Variants in CSMD1 observed in about 807,000 individuals in gnomAD.
The protein encoded by CSMD1 is CUB and sushi domain-containing protein 1.
CSMD1 carries 213 observed loss-of-function variants against 417.5 expected under a neutral mutation model. That is an observed-to-expected ratio of 0.51 (90% CI 0.46 to 0.57). The LOEUF (loss-of-function observed/expected upper bound fraction) is 0.57. Ranked by LOEUF, CSMD1 falls within the 20% of genes least tolerant of loss-of-function variation. CSMD1 has a pLI of 0.00. For missense variants in CSMD1, 6,923 were observed against 4,529.7 expected (o/e 1.53, Z -15.17); for synonymous variants, 2,862 against 1,736.8 (o/e 1.65, Z -16.11).
chr8:3,894,960 G>A (rs180861754), intron 5 of CSMD1, among the ~76,000 whole-genome samples: 1 of 152,166 alleles, frequency 6.6e-6, no homozygotes, highest in Non-Finnish European at 1.5e-5. Flanking sequence ...GATGAATAGG[G>A]TAATTAGAAG....
At chr8:4,143,863 T>C (rs1030311028) in intron 3 of CSMD1, among the ~76,000 whole-genome samples, 2 of 151,070 alleles carry the variant, frequency 1.3e-5, no homozygotes, top group Non-Finnish European at 2.9e-5. Flanking sequence ...TCCCTCTCAG[T>C]TACCCCTTAT....
intron 27 of CSMD1, among the ~76,000 whole-genome samples, chr8:3,226,581 C>CAAAA (rs35840582): frequency 1.3e-4 from 9 of 67,698 alleles, no homozygotes; most frequent in Non-Finnish European, 2.0e-4. Flanking sequence ...GACTCTGTCT[C>CAAAA]AAAAAAAAAA....
rs565931067 is a variant in CSMD1 at position 4,366,876 on chromosome 8, C to T, written c.415+53077G>A. Among the ~76,000 whole-genome samples, 3 of 152,050 alleles carry T rather than the reference C, an allele frequency of 2.0e-5. No individual in the cohort carries two copies. In the East Asian group the frequency reaches 5.8e-4, roughly 29 times the overall value. On this transcript the variant is annotated intron_variant, in intron 3 of 69. Transcript: ENST00000635120. ...TGAGAAGTGCCTGTTCATGTCCTTG[C>T]CCATTTTTTTAATAGGGTTGTTTTT...
intron 10 of CSMD1, among the ~76,000 whole-genome samples, chr8:3,559,337 G>T (rs1017044610): frequency 6.6e-6 from 1 of 152,188 alleles, no homozygotes; most frequent in African/African-American, 2.4e-5. Flanking sequence ...GACTAGGCAT[G>T]GTCTGAACAG....
intron 1 of CSMD1, among the ~76,000 whole-genome samples, chr8:4,902,275 TA>T (rs199601817): frequency 0.21 from 31,143 of 146,708 alleles, 3,289 homozygotes; most frequent in Middle Eastern, 0.29. Context: ...CTCTATCTAT[TA>T]AAAAAAAAAA....
intron 30 of CSMD1, among the ~76,000 whole-genome samples, chr8:3,214,079 C>T (rs565755091): frequency 2.0e-5 from 3 of 152,006 alleles, no homozygotes; most frequent in Non-Finnish European, 2.9e-5. Context: ...CTCCTAACCT[C>T]GCGATCCACT....
At chr8:3,436,520 A>C (rs7005153) in intron 12 of CSMD1, among the ~76,000 whole-genome samples, 32 of 152,062 alleles carry the variant, frequency 2.1e-4, no homozygotes, top group African/African-American at 7.7e-4. Context: ...ATTAAGTGTA[A>C]TGTTTAGTGG....
intron 10 of CSMD1, among the ~76,000 whole-genome samples, chr8:3,550,428 C>T (rs955167692): frequency 2.0e-5 from 3 of 152,196 alleles, no homozygotes; most frequent in Admixed American, 1.3e-4. Context: ...GCAGACAGCC[C>T]TCAATATAAT....
intron 10 of CSMD1, among the ~76,000 whole-genome samples, chr8:3,507,725 G>T (rs1003582632): frequency 4.6e-5 from 7 of 152,034 alleles, no homozygotes; most frequent in Non-Finnish European, 1.0e-4. Flanking sequence ...TATCTCACTG[G>T]GGTTTTGATT....
chr8:4,788,263 G>C (rs1028818126), intron 1 of CSMD1: 15 of 1,589,088 alleles, frequency 9.4e-6, no homozygotes, highest in African/African-American at 1.3e-5. Flanking sequence ...GAGTATGAAA[G>C]GGATGGCATT....
chr8:4,808,448 G>T (rs1442803833), intron 1 of CSMD1, among the ~76,000 whole-genome samples: 2 of 152,174 alleles, frequency 1.3e-5, no homozygotes, highest in Non-Finnish European at 2.9e-5. Context: ...TTAAGCTCTT[G>T]TAACTTACTT....
intron 49 of CSMD1, among the ~76,000 whole-genome samples, chr8:3,073,219 G>A (rs996582768): frequency 2.6e-5 from 4 of 152,140 alleles, no homozygotes; most frequent in African/African-American, 7.2e-5. Flanking sequence ...AAAGCACTAT[G>A]GACTTGGCAT....
At chr8:3,306,654 A>G (rs994810135) in intron 25 of CSMD1, among the ~76,000 whole-genome samples, 1 of 149,058 alleles carries the variant, frequency 6.7e-6, no homozygotes, top group African/African-American at 2.6e-5. Context: ...ATTAATAACA[A>G]CAATGAAACA....
At chr8:4,044,389 G>C (rs1447115878) in intron 3 of CSMD1, among the ~76,000 whole-genome samples, 3 of 152,092 alleles carry the variant, frequency 2.0e-5, no homozygotes, top group South Asian at 4.1e-4. Context: ...ATAAGCTAAA[G>C]GCAATCTCAG....
Position 4,197,342 on chromosome 8 carries a change from G to T in CSMD1, c.416-165243C>A, listed in dbSNP as rs533338368. Reference sequence around the variant, plus strand: ...ACCTGACTTGGCCATAGGATGCCCAGATATTTGGTCAGACATTATTGTGGG... The same window carrying T: ...ACCTGACTTGGCCATAGGATGCCCATATATTTGGTCAGACATTATTGTGGG... On this transcript the variant is annotated intron_variant, in intron 3 of 69. Coordinates refer to ENST00000635120, the MANE Select transcript of CSMD1 (RefSeq NM_033225.6). Among the ~76,000 whole-genome samples the T allele has an allele frequency of 2.2e-4, 33 of 152,324 alleles. 1 individual carries two copies. The highest frequency in any genetic ancestry group is 1.0e-3 in the South Asian group (5 of 4,832).
intron 23 of CSMD1, among the ~76,000 whole-genome samples, chr8:3,324,593 T>G (rs201080414): frequency 0.046 from 4,786 of 104,908 alleles, 188 homozygotes; most frequent in East Asian, 0.18. Flanking sequence ...GACCCAGGAG[T>G]GGGAGTTTCC....
intron 3 of CSMD1, among the ~76,000 whole-genome samples, chr8:4,396,599 G>A (rs1585010873): frequency 6.6e-6 from 1 of 151,154 alleles, no homozygotes; most frequent in South Asian, 2.1e-4. Context: ...AGCAATGAGT[G>A]CATAAGGAAA....
intron 2 of CSMD1, among the ~76,000 whole-genome samples, chr8:4,618,994 G>A (rs1484044062): frequency 1.3e-5 from 2 of 152,132 alleles, no homozygotes; most frequent in Non-Finnish European, 2.9e-5. Flanking sequence ...ACCAGAAGGA[G>A]ATTAAAATAC....
intron 6 of CSMD1, among the ~76,000 whole-genome samples, chr8:3,718,669 C>T (rs1359548824): frequency 1.3e-5 from 2 of 152,146 alleles, no homozygotes; most frequent in Admixed American, 6.5e-5. Context: ...AGAATGTCCA[C>T]AAAACCTTGA....
Sources: allele counts gnomAD v4.1 joint callset (sites outside exome capture counted in the v4.1 genomes callset), GRCh38; gene constraint gnomAD v4.1.1; transcripts MANE v1.5; gene names NCBI Gene and HGNC (gene_info 2026-07-23, HGNC 2026-07-21).